The following SASH1 variants were observed in gnomAD, a reference collection of about 807,000 sequenced individuals.
The protein encoded by SASH1 is SAM and SH3 domain containing 1.
Under a neutral mutation model 125.2 loss-of-function variants are expected in SASH1, and 44 were observed. The observed-to-expected ratio is 0.35, with a 90% CI of 0.28 to 0.45. The LOEUF is 0.45. Ranked by LOEUF, SASH1 falls within the 20% of genes least tolerant of loss-of-function variation. The pLI is 1.00. For synonymous variants in SASH1, 639 were observed against 649.1 expected (o/e 0.98, Z 0.24); for missense variants, 1,426 against 1,614.5 (o/e 0.88, Z 2.00).
intron 2 of SASH1, among the ~76,000 whole-genome samples, chr6:148,396,143 T>C (rs1199979720): frequency 4.0e-5 from 6 of 150,052 alleles, no homozygotes; most frequent in African/African-American, 1.5e-4. Context: ...ACTGGGAATG[T>C]CAATAAAAAT....
At chr6:148,540,736 A>G (rs959471419) in intron 17 of SASH1, among the ~76,000 whole-genome samples, 180 bp downstream of exon 17, 25 of 152,238 alleles carry the variant, frequency 1.6e-4, no homozygotes, top group African/African-American at 6.0e-4. Flanking sequence ...CTGCTGGGTG[A>G]GGTTAATAAA....
chr6:148,476,813 T>C (rs115835852), intron 7 of SASH1, among the ~76,000 whole-genome samples: 139 of 152,232 alleles, frequency 9.1e-4, no homozygotes, highest in African/African-American at 3.2e-3. Context: ...ACTTCAAATC[T>C]ATACTACGGA....
At chr6:148,227,063 T>C in the SASH1 span, among the ~76,000 whole-genome samples, 1 of 152,172 alleles carries the variant, frequency 6.6e-6, no homozygotes, top group Non-Finnish European at 1.5e-5. Context: ...ACCAAACATT[T>C]ATTAGCCTAA....
At chr6:148,458,662 C>G (rs1777466330) in intron 4 of SASH1, among the ~76,000 whole-genome samples, 1 of 152,066 alleles carries the variant, frequency 6.6e-6, no homozygotes, top group Non-Finnish European at 1.5e-5. Flanking sequence ...TATGACCTCT[C>G]ATTATAAAAA....
chr6:148,305,355 C>G (rs1780096360), intron 1 of SASH1, among the ~76,000 whole-genome samples: 1 of 152,000 alleles, frequency 6.6e-6, no homozygotes. Flanking sequence ...CGCCTGTAAT[C>G]CCAGCACTTC....
chr6:148,445,524 A>C (rs927624486), intron 4 of SASH1, among the ~76,000 whole-genome samples: 1 of 152,224 alleles, frequency 6.6e-6, no homozygotes, highest in South Asian at 2.1e-4. Flanking sequence ...AGAAAACCTG[A>C]CAAATAGTGA....
chr6:148,257,807 T>C, the SASH1 span, among the ~76,000 whole-genome samples: 5,441 of 152,066 alleles, frequency 0.036, 226 homozygotes, highest in Admixed American at 0.096. Flanking sequence ...ATTTTTGTAT[T>C]TTTAGTAAAG....
chr6:148,309,084 C>CAAAAAAAA (rs10652144), intron 1 of SASH1, among the ~76,000 whole-genome samples: 68 of 101,074 alleles, frequency 6.7e-4, no homozygotes, highest in African/African-American at 2.2e-3. Flanking sequence ...ACTCTGTCTC[C>CAAAAAAAA]AAAAAAAAAA....
intron 2 of SASH1, among the ~76,000 whole-genome samples, chr6:148,405,628 G>A (rs560246391): frequency 1.3e-5 from 2 of 152,076 alleles, no homozygotes; most frequent in East Asian, 1.9e-4. Flanking sequence ...CATCCACCTA[G>A]AGCCCATCCT....
intron 4 of SASH1, among the ~76,000 whole-genome samples, chr6:148,441,889 C>G (rs1485814513): frequency 6.6e-6 from 1 of 152,184 alleles, no homozygotes; most frequent in African/African-American, 2.4e-5. Flanking sequence ...ATGGCCTCCT[C>G]TGAGGTTAAC....
At chr6:148,290,500 G>A (rs905039324) in intron 1 of SASH1, among the ~76,000 whole-genome samples, 1 of 151,954 alleles carries the variant, frequency 6.6e-6, no homozygotes, top group African/African-American at 2.4e-5. Context: ...CAGCTACTCG[G>A]GAGGCTGAGG....
rs1404710950 is a variant in SASH1, at chr6:148,550,680, G to A, written c.*2122G>A. The A allele has an allele frequency of 6.6e-6, 1 of 152,240 alleles. No homozygotes were observed. Among genetic ancestry groups the A allele is most frequent in the East Asian group, 1.9e-4 (1 of 5,202 alleles). 9.4% of individuals were successfully genotyped at this position (152,240 alleles called of 1,614,324 possible). A position where few individuals can be genotyped will look rare whatever the true frequency, so the allele number is the denominator to read the frequency against. Reference sequence around the variant, plus strand: ...CCTAGCCTATTTGCAATGTAATGAAGCTGCAGGGTTCTTGTATAGCTAAAG... The same window carrying A: ...CCTAGCCTATTTGCAATGTAATGAAACTGCAGGGTTCTTGTATAGCTAAAG... On this transcript the variant is annotated 3_prime_UTR_variant, in exon 20 of 20. Coordinates refer to ENST00000367467, the MANE Select transcript of SASH1 (RefSeq NM_015278.5).
chr6:148,277,356 TG>T (rs1393469445), intron 1 of SASH1, among the ~76,000 whole-genome samples: 1 of 152,180 alleles, frequency 6.6e-6, no homozygotes, highest in East Asian at 1.9e-4. Context: ...GAAGTTAGAA[TG>T]GTAGAATTGC....
At chr6:148,541,796 T>C (rs1439687854) in intron 17 of SASH1, among the ~76,000 whole-genome samples, 1 of 152,164 alleles carries the variant, frequency 6.6e-6, no homozygotes, top group East Asian at 1.9e-4. Context: ...CTAAGAAGCA[T>C]CTTGGGGACC....
At chr6:148,313,555 A>G (rs1167005746) in intron 1 of SASH1, among the ~76,000 whole-genome samples, 2 of 152,172 alleles carry the variant, frequency 1.3e-5, no homozygotes, top group Non-Finnish European at 2.9e-5. Context: ...ATTGAATCAA[A>G]TGGTTCTTTG....
chr6:148,452,842 A>G (rs574350038), intron 4 of SASH1, among the ~76,000 whole-genome samples: 1 of 152,322 alleles, frequency 6.6e-6, no homozygotes, highest in East Asian at 1.9e-4. Flanking sequence ...TGCCCTTCCC[A>G]CATGACCTTT....
the SASH1 span, among the ~76,000 whole-genome samples, chr6:148,246,751 C>T: frequency 1.4e-4 from 21 of 152,278 alleles, no homozygotes; most frequent in Middle Eastern, 6.8e-3. Flanking sequence ...ATTATGAATA[C>T]TTTTGCAATG....
chr6:148,440,737 G>A (rs1404804720), intron 4 of SASH1: 3 of 275,612 alleles, frequency 1.1e-5, no homozygotes, highest in South Asian at 1.6e-4. Flanking sequence ...TTTTAATGTA[G>A]GATAAAAGTT....
chr6:148,283,682 G>C (rs1779406415), intron 1 of SASH1, among the ~76,000 whole-genome samples: 1 of 152,090 alleles, frequency 6.6e-6, no homozygotes, highest in South Asian at 2.1e-4. Context: ...GCTGAGGCAG[G>C]AGAATCATTT....
Sources: allele counts gnomAD v4.1 joint callset (sites outside exome capture counted in the v4.1 genomes callset), GRCh38; gene constraint gnomAD v4.1.1; transcripts MANE v1.5; gene names NCBI Gene and HGNC (gene_info 2026-07-23, HGNC 2026-07-21).